WDR1: variants seen among roughly 807,000 people sequenced by gnomAD.
WDR1 encodes the protein WD repeat domain 1.
In WDR1, 21 loss-of-function variants were observed where a neutral mutation model predicts 71.9. The ratio of observed to expected loss-of-function variants is 0.29; its 90% CI spans 0.21 to 0.42. The LOEUF (loss-of-function observed/expected upper bound fraction) is 0.42, where lower values mean the gene tolerates loss of function less well. WDR1 is among the 10% of genes least tolerant of loss of function. The pLI is 1.00. For missense variants in WDR1, 696 were observed against 824.5 expected, an observed-to-expected ratio of 0.84 and a Z score of 1.91; for synonymous variants, 424 against 347.4, an observed-to-expected ratio of 1.22 and a Z score of -2.45.
intron 8 of WDR1, among the ~76,000 whole-genome samples, chr4:10,086,373 C>G (rs1711553656): frequency 6.6e-6 from 1 of 152,246 alleles, no homozygotes; most frequent in Non-Finnish European, 1.5e-5. Context: ...CCTTCCCCCT[C>G]TCAGCAGTGC....
intron 3 of WDR1, among the ~76,000 whole-genome samples, chr4:10,099,946 C>A (rs1712589892): frequency 6.6e-6 from 1 of 152,208 alleles, no homozygotes; most frequent in African/African-American, 2.4e-5. Flanking sequence ...CACGTACCCC[C>A]AATCCCCCAC....
chr4:10,088,769 G>C (rs1053636005), intron 5 of WDR1, 28 bp from the exon 6 acceptor site: 2 of 1,549,724 alleles, frequency 1.3e-6, no homozygotes, highest in African/African-American at 2.7e-5. Context: ...CCTGCCTGAT[G>C]AGGGGCCGCA....
chr4:10,106,179 G>A (rs1408060461), intron 2 of WDR1, among the ~76,000 whole-genome samples: 2 of 152,152 alleles, frequency 1.3e-5, no homozygotes, highest in African/African-American at 4.8e-5. Flanking sequence ...TGGTGCTTAT[G>A]GGACTATATA....
Position 10,104,063 on chromosome 4 carries a change from T to C in WDR1, c.139-77A>G, listed in dbSNP as rs1407263575. 1.3e-5 allele frequency: 19 copies of C among 1,440,592 alleles called. No individual in the cohort carries two copies. In the African/African-American group the frequency reaches 1.6e-4, roughly 12 times the overall value. The allele number at this position is 1,440,592 out of a possible 1,614,324, so 89.2% of individuals were successfully genotyped here. On this transcript the variant is annotated intron_variant, in intron 2 of 14. Coordinates refer to ENST00000499869, the MANE Select transcript of WDR1 (RefSeq NM_017491.5). ...TTCCAGCTCTCCACATCAACAGATA[T>C]GGGGTGAAAGGGGTGTACAAAGAAA...
intron 3 of WDR1, among the ~76,000 whole-genome samples, chr4:10,100,086 C>T (rs1712600109): frequency 1.3e-5 from 2 of 152,236 alleles, no homozygotes; most frequent in Admixed American, 1.3e-4. Flanking sequence ...ACCTCAGCCC[C>T]ATCTGCTAAG....
chr4:10,106,943 T>C (rs532292763), intron 2 of WDR1, among the ~76,000 whole-genome samples: 18 of 152,168 alleles, frequency 1.2e-4, no homozygotes, highest in Admixed American at 7.2e-4. Context: ...AGATGGCACC[T>C]TGACACCCTC....
chr4:10,088,962 T>C (rs1440225610), intron 5 of WDR1, among the ~76,000 whole-genome samples: 2 of 152,220 alleles, frequency 1.3e-5, no homozygotes, highest in Non-Finnish European at 2.9e-5. Flanking sequence ...CTCTACCTGC[T>C]GGGAAAGCTG....
At chr4:10,075,926 G>A (rs530718537) in intron 14 of WDR1, 147 of 177,634 alleles carry the variant, frequency 8.3e-4, no homozygotes, top group African/African-American at 3.2e-3. Flanking sequence ...CAGGACTGGG[G>A]GGGCCACTGA....
chr4:10,077,180 C>A, intron 14 of WDR1, 124 bp downstream of exon 14: 1 of 1,306,924 alleles, frequency 7.7e-7, no homozygotes, highest in South Asian at 1.5e-5. Context: ...TCTTCCGGGC[C>A]ACCTGTCTAG....
At chr4:10,112,062 T>TA (rs1263933532) in intron 2 of WDR1, among the ~76,000 whole-genome samples, 1 of 152,114 alleles carries the variant, frequency 6.6e-6, no homozygotes, top group African/African-American at 2.4e-5. Flanking sequence ...AAAGTTGCTT[T>TA]TTTTTTTTCT....
intron 14 of WDR1, 140 bp downstream of exon 14, chr4:10,077,164 C>T: frequency 8.2e-7 from 1 of 1,221,154 alleles, no homozygotes; most frequent in Non-Finnish European, 1.1e-6. Flanking sequence ...GAAGGAGACC[C>T]ACAACTCTTC....
rs114693775 is a variant in WDR1 at position 10,112,861 on chromosome 4, A to G, written c.138+3252T>C. Among the ~76,000 whole-genome samples, 648 of 152,288 alleles carry G rather than the reference A, an allele frequency of 4.3e-3. 7 individuals are homozygous for G. Among genetic ancestry groups the G allele is most frequent in the African/African-American group, 0.015 (610 of 41,552 alleles). ...GAGGACACGGCAGTGACTGAAAGAG[A>G]GGGGAAAGCCCTGCTGGCCTGGAGC... On this transcript the variant is annotated intron_variant, in intron 2 of 14. Coordinates refer to ENST00000499869, the MANE Select transcript of WDR1 (RefSeq NM_017491.5).
chr4:10,101,136 G>A (rs1459653753), intron 3 of WDR1, among the ~76,000 whole-genome samples: 5 of 152,274 alleles, frequency 3.3e-5, no homozygotes, highest in African/African-American at 1.2e-4. Flanking sequence ...AGACAGAACA[G>A]TATCATGAAA....
chr4:10,083,488 C>A (rs559749641), intron 9 of WDR1: 9 of 526,816 alleles, frequency 1.7e-5, no homozygotes, highest in African/African-American at 1.5e-4. Flanking sequence ...TAGGCGCAAC[C>A]CTCTAACCCC....
intron 2 of WDR1, among the ~76,000 whole-genome samples, chr4:10,110,457 A>G: frequency 6.6e-6 from 1 of 152,126 alleles, no homozygotes; most frequent in East Asian, 1.9e-4. Flanking sequence ...CAGGGCAAGA[A>G]ATGTACCAAA....
At chr4:10,097,156 G>A (rs554282737) in intron 5 of WDR1, among the ~76,000 whole-genome samples, 7 of 152,272 alleles carry the variant, frequency 4.6e-5, no homozygotes, top group Non-Finnish European at 7.3e-5. Context: ...TGCCTAAGGC[G>A]GGGCGCATGC....
chr4:10,113,243 C>T (rs1477724522), intron 2 of WDR1, among the ~76,000 whole-genome samples: 1 of 152,160 alleles, frequency 6.6e-6, no homozygotes, highest in Non-Finnish European at 1.5e-5. Flanking sequence ...TACCTGTAGT[C>T]CCCACTACTC....
At chr4:10,113,444 C>T (rs918416439) in intron 2 of WDR1, among the ~76,000 whole-genome samples, 12 of 152,172 alleles carry the variant, frequency 7.9e-5, no homozygotes, top group South Asian at 4.1e-4. Context: ...CAATAACTAG[C>T]AGGTACCAAG....
In WDR1 at chr4:10,116,421, G is replaced by C. The variant is rs1215173666; in HGVS notation, c.17-187C>G. On this transcript the variant is annotated intron_variant, in intron 1 of 14. Transcript: ENST00000499869. ...GTCCGCGCCCCGGGCCAGGCCCTTGGGGGCAGCGGGGCTCCTCCGGCTCGG... is the reference window on the plus strand; with the variant it reads ...GTCCGCGCCCCGGGCCAGGCCCTTGCGGGCAGCGGGGCTCCTCCGGCTCGG... The C allele has an allele frequency of 9.8e-6, 9 of 922,140 alleles. No homozygotes were observed. In the Admixed American group the frequency reaches 1.4e-4, roughly 14 times the overall value. 57.1% of individuals were successfully genotyped at this position (922,140 alleles called of 1,614,324 possible).
Sources: gnomAD v4.1 joint callset for allele counts (sites outside exome capture counted in the v4.1 genomes callset) on GRCh38, gnomAD v4.1.1 for gene constraint, MANE v1.5 for transcripts, NCBI Gene and HGNC (gene_info 2026-07-23, HGNC 2026-07-21) for gene names.